The following NR3C2 variants were observed in gnomAD, a reference collection of about 807,000 sequenced individuals.
The protein encoded by NR3C2 is nuclear receptor subfamily 3 group C member 2.
NR3C2 carries 15 observed loss-of-function variants against 86.4 expected under a neutral mutation model. That is an observed-to-expected ratio of 0.17 (90% CI 0.12 to 0.27). The LOEUF is 0.27. Among genes scored for constraint, NR3C2 ranks in the 10% least tolerant of loss-of-function variants. The pLI, the probability that NR3C2 is intolerant of heterozygous loss-of-function variation, is 1.00. For missense variants in NR3C2, 960 were observed against 1,195.6 expected (o/e 0.80, Z 2.91); for synonymous variants, 458 against 450.5 (o/e 1.02, Z -0.21).
intron 2 of NR3C2, among the ~76,000 whole-genome samples, chr4:148,388,921 C>T (rs1364014175): frequency 6.6e-6 from 1 of 152,188 alleles, no homozygotes; most frequent in African/African-American, 2.4e-5. Flanking sequence ...GGGACAAATG[C>T]TCTCATACAC....
chr4:148,183,905 A>C (rs867938525), intron 4 of NR3C2, among the ~76,000 whole-genome samples: 3 of 152,310 alleles, frequency 2.0e-5, no homozygotes, highest in South Asian at 4.1e-4. Flanking sequence ...CTAAACCAGT[A>C]ATGCTCCATG....
chr4:148,335,375 A>G (rs1167383553), intron 2 of NR3C2, among the ~76,000 whole-genome samples: 1 of 152,232 alleles, frequency 6.6e-6, no homozygotes, highest in Admixed American at 6.5e-5. Flanking sequence ...ATACTAAACA[A>G]ATGTTTAACT....
At chr4:148,427,112 G>A (rs998229873) in intron 2 of NR3C2, among the ~76,000 whole-genome samples, 2 of 151,850 alleles carry the variant, frequency 1.3e-5, no homozygotes, top group African/African-American at 2.4e-5. Context: ...AAATCACCAT[G>A]CCCTGCTAAT....
intron 8 of NR3C2, among the ~76,000 whole-genome samples, chr4:148,095,742 C>T (rs534832430): frequency 1.3e-5 from 2 of 152,326 alleles, no homozygotes; most frequent in East Asian, 1.9e-4. Context: ...CTGGTGCAGG[C>T]TCAGGCAGTC....
intron 4 of NR3C2, among the ~76,000 whole-genome samples, chr4:148,181,225 T>C (rs1215634431): frequency 1.3e-5 from 2 of 152,168 alleles, no homozygotes; most frequent in African/African-American, 4.8e-5. Flanking sequence ...GGAAGCATGA[T>C]TTTAGTATTT....
rs115659891 is a variant in NR3C2, at chr4:148,191,235, A to G, written c.2014+3511T>C. Among the ~76,000 whole-genome samples the G allele has an allele frequency of 3.6e-3, 551 of 152,238 alleles. 6 individuals carry two copies. The highest frequency in any genetic ancestry group is 0.013 in the African/African-American group (527 of 41,558). ...GAAAATGGCTGTATCTTTCCTTCAT[A>G]TGTGATACTTAGTTTCACTGGATAC... On this transcript the variant is annotated intron_variant, in intron 4 of 8. Transcript: ENST00000358102.
chr4:148,210,318 G>A (rs1737221139), intron 3 of NR3C2, among the ~76,000 whole-genome samples: 1 of 152,116 alleles, frequency 6.6e-6, no homozygotes, highest in Non-Finnish European at 1.5e-5. Flanking sequence ...AGCCTCCCAA[G>A]TAGCTGGGAA....
At chr4:148,202,690 C>T (rs1381090164) in intron 3 of NR3C2, among the ~76,000 whole-genome samples, 1 of 152,196 alleles carries the variant, frequency 6.6e-6, no homozygotes, top group Admixed American at 6.6e-5. Context: ...ACAAAGTTAA[C>T]ACCAGAGTCC....
chr4:148,183,085 C>A (rs1163159886), intron 4 of NR3C2, among the ~76,000 whole-genome samples: 1 of 152,094 alleles, frequency 6.6e-6, no homozygotes, highest in Non-Finnish European at 1.5e-5. Flanking sequence ...GGTTTTCTGT[C>A]CTTATGATAG....
chr4:148,083,691 C>G (rs1911120), intron 8 of NR3C2, among the ~76,000 whole-genome samples: 83,768 of 151,866 alleles, frequency 0.55, 23,708 homozygotes, highest in East Asian at 0.82. Context: ...GAATGAGTTT[C>G]ACGAATTGAC....
rs1423564179 is a variant in NR3C2 at position 148,078,974 on chromosome 4, G to A, written c.*2370C>T. On this transcript the variant is annotated 3_prime_UTR_variant, in exon 9 of 9. Coordinates refer to ENST00000358102, the MANE Select transcript of NR3C2 (RefSeq NM_000901.5). ...TAAGAGCAGACAGACAATTTGGACTGGGACAGGCATTCAACAGTGAATTTA... is the reference window on the plus strand; with the variant it reads ...TAAGAGCAGACAGACAATTTGGACTAGGACAGGCATTCAACAGTGAATTTA... 6.6e-6 allele frequency: 1 copy of A among 152,594 alleles called. No individual in the cohort carries two copies. Among genetic ancestry groups the A allele is most frequent in the Non-Finnish European group, 1.5e-5 (1 of 68,036 alleles). 9.5% of individuals were successfully genotyped at this position (152,594 alleles called of 1,614,324 possible). A position where few individuals can be genotyped will look rare whatever the true frequency, so the allele number is the denominator to read the frequency against.
intron 2 of NR3C2, among the ~76,000 whole-genome samples, chr4:148,362,246 G>A (rs563848802): frequency 5.3e-5 from 8 of 152,254 alleles, no homozygotes; most frequent in African/African-American, 1.9e-4. Context: ...ATAAGTTCTA[G>A]TGTTCTGTAC....
At chr4:148,397,509 G>T (rs926092575) in intron 2 of NR3C2, among the ~76,000 whole-genome samples, 6 of 152,188 alleles carry the variant, frequency 3.9e-5, no homozygotes, top group African/African-American at 1.4e-4. Context: ...CTGCCAAAAT[G>T]TATTATCACA....
chr4:148,431,386 C>T (rs1749794724), intron 2 of NR3C2, among the ~76,000 whole-genome samples: 1 of 152,122 alleles, frequency 6.6e-6, no homozygotes, highest in Non-Finnish European at 1.5e-5. Context: ...AAGGAAATTA[C>T]ACTGGCAGCT....
At chr4:148,255,617 C>CT (rs1477923569) in intron 3 of NR3C2, among the ~76,000 whole-genome samples, 1 of 152,204 alleles carries the variant, frequency 6.6e-6, no homozygotes, top group African/African-American at 2.4e-5. Flanking sequence ...CTCTCTTTCT[C>CT]TTTTACAGCC....
rs527372078 is a variant in NR3C2 at position 148,197,233 on chromosome 4, A to G, written c.1898-2371T>C. On this transcript the variant is annotated intron_variant, in intron 3 of 8. Transcript: ENST00000358102. ...GAAGCAACAGAATGTTGAGAGAAGCACACTCTACTAGCCAGCATTTCTACT... is the reference window on the plus strand; with the variant it reads ...GAAGCAACAGAATGTTGAGAGAAGCGCACTCTACTAGCCAGCATTTCTACT... 1.1e-3 allele frequency among the ~76,000 whole-genome samples: 173 copies of G among 152,346 alleles called. 6 individuals are homozygous for G. In the South Asian group the frequency reaches 0.035, roughly 30 times the overall value.
At chr4:148,130,813 TG>T (rs1488603644) in intron 6 of NR3C2, among the ~76,000 whole-genome samples, 2,787 of 63,966 alleles carry the variant, frequency 0.044, 201 homozygotes, top group African/African-American at 0.1. Flanking sequence ...TGTTTTGTTT[TG>T]TTTTGTTTTT....
chr4:148,287,077 G>C (rs1198698450), intron 2 of NR3C2, among the ~76,000 whole-genome samples: 1 of 152,228 alleles, frequency 6.6e-6, no homozygotes, highest in East Asian at 1.9e-4. Context: ...CAGCAAGTAA[G>C]GGATGGCCCA....
At chr4:148,224,485 G>C (rs1223183386) in intron 3 of NR3C2, among the ~76,000 whole-genome samples, 9 of 152,238 alleles carry the variant, frequency 5.9e-5, no homozygotes, top group African/African-American at 1.9e-4. Flanking sequence ...TAGAACGAGT[G>C]AGGCAGCATT....
Sources: allele counts gnomAD v4.1 joint callset (sites outside exome capture counted in the v4.1 genomes callset), GRCh38; gene constraint gnomAD v4.1.1; transcripts MANE v1.5; gene names NCBI Gene and HGNC (gene_info 2026-07-23, HGNC 2026-07-21).